The following AGBL4 variants were observed in gnomAD, a reference collection of about 807,000 sequenced individuals.
AGBL4 encodes AGBL carboxypeptidase 4, also known as cytosolic carboxypeptidase 6.
AGBL4 carries 58 observed loss-of-function variants against 66.4 expected under a neutral mutation model. The observed-to-expected ratio is 0.87, with a 90% CI of 0.71 to 1.09. AGBL4 has a LOEUF of 1.09. Ranked by LOEUF, AGBL4 falls within the 50% of genes least tolerant of loss-of-function variation. The pLI, the probability that AGBL4 is intolerant of heterozygous loss-of-function variation, is 0.00. For synonymous variants in AGBL4, 234 were observed against 222.9 expected, an observed-to-expected ratio of 1.05 and a Z score of -0.44; for missense variants, 579 against 631.0, an observed-to-expected ratio of 0.92 and a Z score of 0.88.
intron 4 of AGBL4, among the ~76,000 whole-genome samples, chr1:49,184,102 C>T (rs1295125383): frequency 6.6e-6 from 1 of 152,074 alleles, no homozygotes; most frequent in African/African-American, 2.4e-5. Flanking sequence ...AAAAAACTAA[C>T]ATTTACAAGG....
chr1:48,852,361 T>C (rs1480071251), intron 6 of AGBL4, among the ~76,000 whole-genome samples: 1 of 152,204 alleles, frequency 6.6e-6, no homozygotes, highest in Non-Finnish European at 1.5e-5. Context: ...TCCTCTAGCC[T>C]ATCCTCCTCA....
rs538791914 is a variant in AGBL4, at chr1:49,179,295, T to G, written c.377+66475A>C. Among the ~76,000 whole-genome samples, 4 of 152,172 alleles carry G rather than the reference T, an allele frequency of 2.6e-5. No homozygotes were observed. The East Asian group carries it at 7.7e-4, about 29-fold the overall frequency. Reference sequence around the variant, plus strand: ...GTGGAGATAGTGAGAAATGTACAGATTCAAGAGCCAAAGGATACAAAATCA... The same window carrying G: ...GTGGAGATAGTGAGAAATGTACAGAGTCAAGAGCCAAAGGATACAAAATCA... On this transcript the variant is annotated intron_variant, in intron 4 of 13. Transcript: ENST00000371839.
chr1:49,822,258 T>C lies in AGBL4; in HGVS notation c.157+29138A>G, dbSNP rs551756730. Among the ~76,000 whole-genome samples the C allele has an allele frequency of 1.1e-4, 17 of 152,232 alleles. No homozygotes were observed. The South Asian group carries it at 3.5e-3, about 32-fold the overall frequency. ...TTCCATCCGGGTCAACAACAAAACT[T>C]TAAGTATTTTTCTTTTTTGTATTTT... On this transcript the variant is annotated intron_variant, in intron 2 of 13. Transcript: ENST00000371839.
At chr1:48,892,107 T>A (rs562458990) in intron 5 of AGBL4, among the ~76,000 whole-genome samples, 1 of 151,850 alleles carries the variant, frequency 6.6e-6, no homozygotes, top group South Asian at 2.1e-4. Context: ...TTCTAAGGAG[T>A]AATCTCAGAG....
chr1:49,898,602 T>C (rs1649452420), intron 1 of AGBL4, among the ~76,000 whole-genome samples: 1 of 151,762 alleles, frequency 6.6e-6, no homozygotes, highest in Non-Finnish European at 1.5e-5. Context: ...TATACAACAA[T>C]CCCACTGCTA....
chr1:49,180,697 G>C (rs1274260575), intron 4 of AGBL4, among the ~76,000 whole-genome samples: 1 of 152,158 alleles, frequency 6.6e-6, no homozygotes, highest in Non-Finnish European at 1.5e-5. Flanking sequence ...CTTGAGAAGG[G>C]GGTGGCAACA....
chr1:49,940,043 A>T (rs1281331693), intron 1 of AGBL4, among the ~76,000 whole-genome samples: 1 of 152,222 alleles, frequency 6.6e-6, no homozygotes, highest in African/African-American at 2.4e-5. Context: ...TGGGTGAAGG[A>T]CATGAACAGA....
At chr1:48,749,031 G>C (rs1651230225) in intron 6 of AGBL4, among the ~76,000 whole-genome samples, 1 of 152,080 alleles carries the variant, frequency 6.6e-6, no homozygotes, top group African/African-American at 2.4e-5. Context: ...GGATCCGAGA[G>C]AGCCCCCTTT....
chr1:48,890,637 G>C (rs1382163728), intron 5 of AGBL4, among the ~76,000 whole-genome samples: 2 of 152,124 alleles, frequency 1.3e-5, no homozygotes, highest in Non-Finnish European at 2.9e-5. Context: ...TGTCCTTGAG[G>C]GGAAAAGAAG....
intron 6 of AGBL4, among the ~76,000 whole-genome samples, chr1:48,863,015 G>T (rs1419340392): frequency 6.6e-6 from 1 of 152,094 alleles, no homozygotes; most frequent in Non-Finnish European, 1.5e-5. Context: ...ATAAACAAAA[G>T]AATGCAAAAA....
chr1:49,006,432 C>G (rs921130873), intron 5 of AGBL4, among the ~76,000 whole-genome samples: 2 of 152,114 alleles, frequency 1.3e-5, no homozygotes, highest in African/African-American at 4.8e-5. Flanking sequence ...AACTGCAAGG[C>G]GGCAGCGAGG....
chr1:49,517,614 A>C (rs1174950936), intron 3 of AGBL4, among the ~76,000 whole-genome samples: 1 of 152,000 alleles, frequency 6.6e-6, no homozygotes. Flanking sequence ...GTCTCACTTA[A>C]TAAAGCACTA....
intron 5 of AGBL4, among the ~76,000 whole-genome samples, chr1:48,902,102 T>C (rs553285407): frequency 1.6e-4 from 24 of 152,172 alleles, no homozygotes; most frequent in African/African-American, 5.8e-4. Context: ...GCCCCCATAA[T>C]TCAATTACCT....
intron 3 of AGBL4, among the ~76,000 whole-genome samples, chr1:49,426,612 CTT>C (rs1249273948): frequency 6.6e-6 from 1 of 151,966 alleles, no homozygotes; most frequent in Non-Finnish European, 1.5e-5. Flanking sequence ...ATAGCTTCTA[CTT>C]ATTTAATACT....
At chr1:49,864,636 C>T (rs930990616) in intron 1 of AGBL4, among the ~76,000 whole-genome samples, 2 of 152,160 alleles carry the variant, frequency 1.3e-5, no homozygotes, top group Admixed American at 6.5e-5. Flanking sequence ...ACCTGGGAAG[C>T]CATGCTTTTT....
intron 2 of AGBL4, among the ~76,000 whole-genome samples, chr1:49,794,635 T>G (rs1249885146): frequency 6.6e-6 from 1 of 151,990 alleles, no homozygotes. Context: ...TGGATTTCAA[T>G]TATTTACTTA....
intron 2 of AGBL4, among the ~76,000 whole-genome samples, chr1:49,722,456 CAAAT>C (rs1648681113): frequency 6.6e-6 from 1 of 152,000 alleles, no homozygotes; most frequent in African/African-American, 2.4e-5. Flanking sequence ...TCCAAGTAAA[CAAAT>C]AAGGTGATTT....
At chr1:49,846,114 T>G (rs1444108557) in intron 2 of AGBL4, 21 of 1,505,784 alleles carry the variant, frequency 1.4e-5, no homozygotes, top group South Asian at 2.2e-5. Context: ...CAGAGCTCCC[T>G]TCTCATCAAA....
At chr1:48,534,420 T>C (rs1557767601) in intron 13 of AGBL4, 127 bp from the exon 14 acceptor site, 17 of 1,304,102 alleles carry the variant, frequency 1.3e-5, no homozygotes, top group Non-Finnish European at 1.4e-5. Context: ...CTAGTCTTCT[T>C]CCCACAGACA....
Sources: gnomAD v4.1 joint callset for allele counts (sites outside exome capture counted in the v4.1 genomes callset) on GRCh38, gnomAD v4.1.1 for gene constraint, MANE v1.5 for transcripts, NCBI Gene and HGNC (gene_info 2026-07-23, HGNC 2026-07-21) for gene names.